The following CFAP210 variants were observed in gnomAD, a reference collection of about 807,000 sequenced individuals.
The protein encoded by CFAP210 is cilia and flagella associated protein 210.
chr2:169,681,383 G>GAA, the CFAP210 span: 3 of 622,426 alleles, frequency 4.8e-6, no homozygotes, highest in South Asian at 3.7e-5. Context: ...ATGATTAAGT[G>GAA]AAAAAAAAAA....
At chr2:169,688,551 G>A in the CFAP210 span, among the ~76,000 whole-genome samples, 3 of 152,132 alleles carry the variant, frequency 2.0e-5, no homozygotes, top group East Asian at 1.9e-4. Flanking sequence ...TTTCTTCTGC[G>A]AGGTACCCTA....
At chr2:169,660,425 TTTTTTG>T in the CFAP210 span, among the ~76,000 whole-genome samples, 1 of 151,678 alleles carries the variant, frequency 6.6e-6, no homozygotes, top group Non-Finnish European at 1.5e-5. Context: ...TTCACTGTTT[TTTTTTG>T]TTTTGTTTTG....
the CFAP210 span, among the ~76,000 whole-genome samples, chr2:169,674,357 C>T: frequency 5.3e-5 from 8 of 152,066 alleles, no homozygotes; most frequent in African/African-American, 1.9e-4. Flanking sequence ...TTTTTGCATG[C>T]CACTAGATTG....
chr2:169,650,734 CTGTG>C, the CFAP210 span, among the ~76,000 whole-genome samples: 6,779 of 147,178 alleles, frequency 0.046, 179 homozygotes, highest in Admixed American at 0.062. Flanking sequence ...TATGTATAAT[CTGTG>C]TGTGTGTGTG....
chr2:169,681,120 T>A, the CFAP210 span: 1 of 1,613,826 alleles, frequency 6.2e-7, no homozygotes, highest in Non-Finnish European at 8.5e-7. Flanking sequence ...CTGTCAAGGC[T>A]ATCTTGAATC....
chr2:169,666,688 C>T, the CFAP210 span, among the ~76,000 whole-genome samples: 2 of 152,042 alleles, frequency 1.3e-5, no homozygotes, highest in Admixed American at 6.5e-5. Context: ...TGACTCTTCA[C>T]AGAAGATTTC....
chr2:169,692,036 C>T, the CFAP210 span, among the ~76,000 whole-genome samples: 1 of 152,222 alleles, frequency 6.6e-6, no homozygotes, highest in African/African-American at 2.4e-5. Flanking sequence ...CTACTTCTTT[C>T]TTAAACAGAG....
the CFAP210 span, among the ~76,000 whole-genome samples, chr2:169,686,090 T>C: frequency 2.0e-5 from 3 of 152,186 alleles, no homozygotes; most frequent in Non-Finnish European, 2.9e-5. Flanking sequence ...ACAACCATTG[T>C]GCACTACACC....
chr2:169,692,258 T>C, the CFAP210 span, among the ~76,000 whole-genome samples: 3 of 152,152 alleles, frequency 2.0e-5, no homozygotes, highest in Non-Finnish European at 2.9e-5. Flanking sequence ...GCCTGTTTCA[T>C]GCTGTTATAA....
the CFAP210 span, among the ~76,000 whole-genome samples, chr2:169,685,788 G>GT: frequency 6.8e-6 from 1 of 147,692 alleles, no homozygotes; most frequent in African/African-American, 2.4e-5. Flanking sequence ...TGTATGTGGT[G>GT]TGAGGTGTCT....
the CFAP210 span, among the ~76,000 whole-genome samples, chr2:169,646,373 A>G: frequency 3.9e-5 from 6 of 152,218 alleles, no homozygotes; most frequent in Non-Finnish European, 5.9e-5. Context: ...TGGTGCAATG[A>G]AACCTTTATT....
At chr2:169,683,127 G>A in the CFAP210 span, among the ~76,000 whole-genome samples, 1 of 152,092 alleles carries the variant, frequency 6.6e-6, no homozygotes, top group African/African-American at 2.4e-5. Context: ...GTGAGAACTT[G>A]GTGACTAAAC....
chr2:169,689,887 CATTA>C, the CFAP210 span, among the ~76,000 whole-genome samples: 1 of 152,182 alleles, frequency 6.6e-6, no homozygotes, highest in Non-Finnish European at 1.5e-5. Flanking sequence ...CAGTGTACTA[CATTA>C]ATTGTTTTTA....
the CFAP210 span, among the ~76,000 whole-genome samples, chr2:169,684,703 G>C: frequency 6.6e-6 from 1 of 152,142 alleles, no homozygotes; most frequent in South Asian, 2.1e-4. Flanking sequence ...GCCCAGGGTG[G>C]AAAGCTGTGG....
the CFAP210 span, among the ~76,000 whole-genome samples, chr2:169,677,475 G>A: frequency 3.3e-5 from 5 of 152,002 alleles, no homozygotes; most frequent in Non-Finnish European, 5.9e-5. Context: ...AATCTCAATA[G>A]ACATCAAAAA....
At chr2:169,674,600 G>T in the CFAP210 span, 1 of 1,605,012 alleles carries the variant, frequency 6.2e-7, no homozygotes, top group Non-Finnish European at 8.5e-7. Flanking sequence ...TTTGGCAAGA[G>T]CCACCCTTTC....
At chr2:169,650,450 T>A in the CFAP210 span, 1 of 1,606,122 alleles carries the variant, frequency 6.2e-7, no homozygotes, top group South Asian at 1.1e-5. Flanking sequence ...AATCATATCT[T>A]CATTGTCAAG....
chr2:169,686,926 A>G, the CFAP210 span, among the ~76,000 whole-genome samples: 1 of 152,222 alleles, frequency 6.6e-6, no homozygotes, highest in Non-Finnish European at 1.5e-5. Context: ...AAAAAGGTTT[A>G]GTTGGACTTA....
chr2:169,664,111 T>C, the CFAP210 span, among the ~76,000 whole-genome samples: 1 of 151,510 alleles, frequency 6.6e-6, no homozygotes, highest in African/African-American at 2.4e-5. Flanking sequence ...AGGCAGGAAA[T>C]TGCTTGAACC....
Sources: allele counts gnomAD v4.1 joint callset (sites outside exome capture counted in the v4.1 genomes callset), GRCh38; gene constraint gnomAD v4.1.1; transcripts MANE v1.5; gene names NCBI Gene and HGNC (gene_info 2026-07-23, HGNC 2026-07-21).